Variants in DENND1A observed in about 807,000 individuals in gnomAD.
DENND1A encodes DENN domain containing 1A, also known as DENN domain-containing protein 1A.
A neutral mutation model predicts 113.7 loss-of-function variants in DENND1A; 51 were observed. The ratio of observed to expected loss-of-function variants is 0.45; its 90% confidence interval spans 0.36 to 0.57. The LOEUF is 0.57. Among genes scored for constraint, DENND1A ranks in the 20% least tolerant of loss-of-function variants. The pLI, the probability that DENND1A is intolerant of heterozygous loss-of-function variation, is 0.00. For missense variants in DENND1A, 1,258 were observed against 1,395.9 expected (o/e 0.90, Z 1.57); for synonymous variants, 565 against 570.8 (o/e 0.99, Z 0.14).
At chr9:123,914,463 T>C (rs1854675351) in intron 1 of DENND1A, among the ~76,000 whole-genome samples, 1 of 144,188 alleles carries the variant, frequency 6.9e-6, no homozygotes, top group African/African-American at 2.6e-5. Flanking sequence ...GAGAATGGCA[T>C]GAACCCGGAA....
intron 13 of DENND1A, among the ~76,000 whole-genome samples, chr9:123,529,023 T>A (rs1054533966): frequency 2.0e-5 from 3 of 152,256 alleles, no homozygotes; most frequent in African/African-American, 7.2e-5. Flanking sequence ...ATTTAGCAGC[T>A]TCTTTCATTA....
intron 13 of DENND1A, among the ~76,000 whole-genome samples, chr9:123,508,926 GCA>G (rs2053204793): frequency 6.6e-6 from 1 of 152,274 alleles, no homozygotes; most frequent in South Asian, 2.1e-4. Context: ...CACTCTGTGT[GCA>G]CACAGTTTAT....
At chr9:123,477,946 G>T (rs144828609) in intron 13 of DENND1A, among the ~76,000 whole-genome samples, 1 of 152,270 alleles carries the variant, frequency 6.6e-6, no homozygotes, top group African/African-American at 2.4e-5. Flanking sequence ...GCTCCACGTG[G>T]TTCTTGGAAA....
intron 1 of DENND1A, chr9:123,928,905 C>T (rs1019896312): frequency 2.4e-5 from 24 of 985,332 alleles, no homozygotes; most frequent in Non-Finnish European, 2.5e-5. Context: ...AAAGCCTATG[C>T]TGTCAACTTT....
intron 5 of DENND1A, among the ~76,000 whole-genome samples, chr9:123,712,744 A>C (rs1199070795): frequency 6.6e-6 from 1 of 152,242 alleles, no homozygotes; most frequent in Non-Finnish European, 1.5e-5. Flanking sequence ...AAACAGGCTA[A>C]TGTGAAAAGA....
chr9:123,763,330 T>C lies in DENND1A; in HGVS notation c.183-5508A>G, dbSNP rs976968843. 7.9e-5 allele frequency among the ~76,000 whole-genome samples: 12 copies of C among 152,064 alleles called. No homozygotes were observed. In the East Asian group the frequency reaches 1.3e-3, roughly 17 times the overall value. On this transcript the variant is annotated intron_variant, in intron 4 of 23. Transcript: ENST00000394215. ...GGAGAGGGATGGATAGTTCAAGTTA[T>C]AGTTAGCAGATATGAATGACAGGCT...
At chr9:123,834,726 C>A (rs1490187200) in intron 2 of DENND1A, among the ~76,000 whole-genome samples, 1 of 152,188 alleles carries the variant, frequency 6.6e-6, no homozygotes, top group Non-Finnish European at 1.5e-5. Flanking sequence ...CAAGCCAAAG[C>A]ACCGCATATA....
intron 21 of DENND1A, among the ~76,000 whole-genome samples, chr9:123,391,521 C>T (rs997412351): frequency 6.6e-6 from 1 of 152,098 alleles, no homozygotes; most frequent in Non-Finnish European, 1.5e-5. Context: ...TGTGGATTTG[C>T]CAACTTTCAA....
intron 2 of DENND1A, among the ~76,000 whole-genome samples, chr9:123,872,236 C>CT (rs1465599821): frequency 1.3e-5 from 2 of 151,988 alleles, no homozygotes; most frequent in Admixed American, 1.3e-4. Context: ...AATGATATGA[C>CT]TTTTTTTAAG....
intron 1 of DENND1A, among the ~76,000 whole-genome samples, chr9:123,913,264 C>T (rs1588216143): frequency 6.6e-6 from 1 of 152,032 alleles, no homozygotes; most frequent in African/African-American, 2.4e-5. Context: ...TTTATGTACT[C>T]TTTCTGCAGG....
At chr9:123,802,200 G>A (rs188316569) in intron 2 of DENND1A, among the ~76,000 whole-genome samples, 61 of 152,158 alleles carry the variant, frequency 4.0e-4, no homozygotes, top group East Asian at 5.8e-4. Context: ...TACTGCAACC[G>A]AATGCTCACT....
At chr9:123,850,147 C>T (rs969445179) in intron 2 of DENND1A, among the ~76,000 whole-genome samples, 1 of 152,138 alleles carries the variant, frequency 6.6e-6, no homozygotes, top group Non-Finnish European at 1.5e-5. Flanking sequence ...AAAAGGAGTT[C>T]GACTGGGGGT....
chr9:123,774,211 C>A (rs2131704428), intron 3 of DENND1A, among the ~76,000 whole-genome samples: 1 of 152,152 alleles, frequency 6.6e-6, no homozygotes, highest in South Asian at 2.1e-4. Flanking sequence ...GCAAGCAGTG[C>A]CACTGACTTG....
At chr9:123,747,201 C>G (rs770413996) in intron 5 of DENND1A, among the ~76,000 whole-genome samples, 1 of 152,124 alleles carries the variant, frequency 6.6e-6, no homozygotes, top group African/African-American at 2.4e-5. Context: ...TCCCACCACA[C>G]TCTTAAATCG....
At chr9:123,752,290 T>A (rs775918832) in intron 5 of DENND1A, among the ~76,000 whole-genome samples, 12 of 152,166 alleles carry the variant, frequency 7.9e-5, no homozygotes, top group Non-Finnish European at 5.9e-5. Context: ...GTGTTATGTA[T>A]TGCCCATTCT....
At chr9:123,568,732 A>C (rs770802576) in intron 12 of DENND1A, among the ~76,000 whole-genome samples, 2 of 152,166 alleles carry the variant, frequency 1.3e-5, no homozygotes, top group Admixed American at 1.3e-4. Context: ...GGTGGATCAC[A>C]TGGATACATC....
At chr9:123,928,394 T>C (rs1046920813) in intron 1 of DENND1A, among the ~76,000 whole-genome samples, 2 of 152,204 alleles carry the variant, frequency 1.3e-5, no homozygotes, top group East Asian at 1.9e-4. Flanking sequence ...CTAAGTGCTA[T>C]TGAAATCCAA....
chr9:123,844,493 A>T (rs1188456535), intron 2 of DENND1A, among the ~76,000 whole-genome samples: 1 of 152,212 alleles, frequency 6.6e-6, no homozygotes, highest in African/African-American at 2.4e-5. Flanking sequence ...TAAGAAAAAT[A>T]GGAATAAATT....
chr9:123,731,346 A>C (rs1564156203), intron 5 of DENND1A, among the ~76,000 whole-genome samples: 1 of 152,216 alleles, frequency 6.6e-6, no homozygotes, highest in Non-Finnish European at 1.5e-5. Context: ...AAGACAGTAT[A>C]ATACTGATGG....
Sources: allele counts gnomAD v4.1 joint callset (sites outside exome capture counted in the v4.1 genomes callset), GRCh38; gene constraint gnomAD v4.1.1; transcripts MANE v1.5; gene names NCBI Gene and HGNC (gene_info 2026-07-23, HGNC 2026-07-21).